PLCB4: variants seen among roughly 807,000 people sequenced by gnomAD.
PLCB4 encodes 1-phosphatidylinositol 4,5-bisphosphate phosphodiesterase beta-4.
Under a neutral mutation model 178.8 loss-of-function variants are expected in PLCB4, and 77 were observed. The ratio of observed to expected loss-of-function variants is 0.43; its 90% CI spans 0.36 to 0.52. The LOEUF (loss-of-function observed/expected upper bound fraction) is 0.52. Ranked by LOEUF, PLCB4 falls within the 20% of genes least tolerant of loss-of-function variation. The pLI is 0.00. For synonymous variants in PLCB4, 496 were observed against 490.8 expected (o/e 1.01, Z -0.14); for missense variants, 1,024 against 1,453.4 (o/e 0.70, Z 4.80).
At chr20:9,223,595 C>T (rs756554543) in intron 3 of PLCB4, among the ~76,000 whole-genome samples, 2 of 152,188 alleles carry the variant, frequency 1.3e-5, no homozygotes, top group Non-Finnish European at 2.9e-5. Context: ...TATGTGGTCT[C>T]TCTTCATGGG....
At chr20:9,110,921 G>C (rs1383295317) in intron 2 of PLCB4, among the ~76,000 whole-genome samples, 1 of 152,058 alleles carries the variant, frequency 6.6e-6, no homozygotes, top group Non-Finnish European at 1.5e-5. Context: ...TTTTGATATT[G>C]TACTGTTGTT....
chr20:9,447,668 C>G (rs561925942), intron 32 of PLCB4, among the ~76,000 whole-genome samples: 1 of 152,150 alleles, frequency 6.6e-6, no homozygotes, highest in East Asian at 1.9e-4. Flanking sequence ...TATAGCCTAC[C>G]GGCTATTCAA....
At chr20:9,207,620 G>C (rs970761450) in intron 2 of PLCB4, among the ~76,000 whole-genome samples, 1 of 152,184 alleles carries the variant, frequency 6.6e-6, no homozygotes, top group Admixed American at 6.5e-5. Context: ...GGATAGAATC[G>C]ATGGAAAAGG....
chr20:9,343,964 T>A (rs1044903390), intron 7 of PLCB4, among the ~76,000 whole-genome samples: 1 of 152,208 alleles, frequency 6.6e-6, no homozygotes, highest in Non-Finnish European at 1.5e-5. Context: ...CCAATATCAT[T>A]TCTTCCCTAT....
intron 39 of PLCB4, 126 bp downstream of exon 39, chr20:9,476,879 AG>A (rs1305539100): frequency 1.5e-6 from 1 of 647,882 alleles, no homozygotes; most frequent in African/African-American, 1.8e-5. Context: ...TGGATTTAAA[AG>A]CTTGACTATT....
At chr20:9,406,786 C>T (rs888664297) in intron 21 of PLCB4, among the ~76,000 whole-genome samples, 9 of 152,150 alleles carry the variant, frequency 5.9e-5, no homozygotes, top group African/African-American at 1.9e-4. Context: ...TGAGCCACTG[C>T]GCCCAGCATC....
chr20:9,395,480 A>T, intron 18 of PLCB4, 43 bp from the exon 19 acceptor site: 1 of 1,337,898 alleles, frequency 7.5e-7, no homozygotes, highest in Non-Finnish European at 1.1e-6. Context: ...TTTGTATGTT[A>T]CCTAGCATCT....
chr20:9,083,929 G>A (rs919864384), intron 1 of PLCB4, among the ~76,000 whole-genome samples: 17 of 152,196 alleles, frequency 1.1e-4, no homozygotes, highest in African/African-American at 4.1e-4. Context: ...AAGCTAGTCA[G>A]TCTATGGTAT....
At chr20:9,382,389 C>T (rs985842566) in intron 13 of PLCB4, among the ~76,000 whole-genome samples, 1 of 152,156 alleles carries the variant, frequency 6.6e-6, no homozygotes, top group Admixed American at 6.5e-5. Context: ...TCATGTTATT[C>T]CACCCTTTGA....
At chr20:9,096,843 A>G (rs1028749120) in intron 2 of PLCB4, among the ~76,000 whole-genome samples, 1 of 152,048 alleles carries the variant, frequency 6.6e-6, no homozygotes, top group Admixed American at 6.6e-5. Flanking sequence ...TCTTGGGTGT[A>G]CGGTATCTTT....
chr20:9,393,456 A>C, intron 17 of PLCB4, 132 bp from the exon 18 acceptor site: 1 of 608,406 alleles, frequency 1.6e-6, no homozygotes, highest in South Asian at 2.0e-5. Flanking sequence ...TGAAAACAGA[A>C]GGCTGTGCCG....
chr20:9,216,007 G>C (rs2093727031), intron 2 of PLCB4, among the ~76,000 whole-genome samples: 2 of 152,092 alleles, frequency 1.3e-5, no homozygotes, highest in South Asian at 4.1e-4. Context: ...TGTATTATAT[G>C]AATGTACCAA....
rs146745018 is a variant in PLCB4, at chr20:9,072,297, T to C, written c.-135+3091T>C. ...CATATTGGGAAAATGAATAAACTTG[T>C]GTAGCTCTTTCTTCTATTCCTTAGT... On this transcript the variant is annotated intron_variant, in intron 1 of 39. Coordinates refer to ENST00000378473, the MANE Select transcript of PLCB4 (RefSeq NM_001377142.1). Among the ~76,000 whole-genome samples, 259 of 152,298 alleles carry C rather than the reference T, an allele frequency of 1.7e-3. 2 individuals carry two copies. Among genetic ancestry groups the C allele is most frequent in the Middle Eastern group, 0.014 (4 of 294 alleles).
intron 2 of PLCB4, among the ~76,000 whole-genome samples, chr20:9,125,460 A>G (rs2092087961): frequency 6.6e-6 from 1 of 152,136 alleles, no homozygotes; most frequent in African/African-American, 2.4e-5. Context: ...TTCTTCACCT[A>G]AAGTAGAGAA....
chr20:9,204,361 T>C (rs2093589825), intron 2 of PLCB4, among the ~76,000 whole-genome samples: 1 of 152,006 alleles, frequency 6.6e-6, no homozygotes, highest in African/African-American at 2.4e-5. Context: ...GCTCTAAGAT[T>C]TTTTTTGCGG....
intron 3 of PLCB4, among the ~76,000 whole-genome samples, chr20:9,307,083 G>A (rs567797221): frequency 6.6e-6 from 1 of 152,248 alleles, no homozygotes; most frequent in East Asian, 1.9e-4. Context: ...GGAATCCCAA[G>A]TTCCACACAG....
chr20:9,372,100 A>G (rs963253812), intron 10 of PLCB4, among the ~76,000 whole-genome samples: 17 of 152,182 alleles, frequency 1.1e-4, no homozygotes, highest in African/African-American at 4.1e-4. Context: ...CATGATAACT[A>G]GAAACACTGA....
At chr20:9,398,715 T>A (rs372713420) in intron 19 of PLCB4, among the ~76,000 whole-genome samples, 2 of 133,466 alleles carry the variant, frequency 1.5e-5, no homozygotes, top group East Asian at 2.0e-4. Context: ...TATTATTATT[T>A]TTGAGATGGA....
At chr20:9,182,922 T>G (rs2093270606) in intron 2 of PLCB4, among the ~76,000 whole-genome samples, 1 of 152,176 alleles carries the variant, frequency 6.6e-6, no homozygotes, top group Middle Eastern at 3.2e-3. Flanking sequence ...TTTCATCATA[T>G]TTACAAGGAA....
Sources: gnomAD v4.1 joint callset for allele counts (sites outside exome capture counted in the v4.1 genomes callset) on GRCh38, gnomAD v4.1.1 for gene constraint, MANE v1.5 for transcripts, NCBI Gene and HGNC (gene_info 2026-07-23, HGNC 2026-07-21) for gene names.